Variants in AGTRAP observed in about 807,000 individuals in gnomAD.
AGTRAP encodes type-1 angiotensin II receptor-associated protein.
AGTRAP carries 7 observed loss-of-function variants against 15.2 expected under a neutral mutation model. The ratio of observed to expected loss-of-function variants is 0.46; its 90% CI spans 0.26 to 0.87. The LOEUF is 0.87. Among genes scored for constraint, AGTRAP ranks in the 40% least tolerant of loss-of-function variants. The pLI, the probability that AGTRAP is intolerant of heterozygous loss-of-function variation, is 0.15. For synonymous variants in AGTRAP, 74 were observed against 89.6 expected (o/e 0.83, Z 0.98); for missense variants, 187 against 213.4 (o/e 0.88, Z 0.77).
chr1:11,740,333 GTCC>G (rs775943081), intron 1 of AGTRAP, among the ~76,000 whole-genome samples: 33 of 152,292 alleles, frequency 2.2e-4, no homozygotes, highest in Admixed American at 3.9e-4. Flanking sequence ...CTCTCTGGGT[GTCC>G]TCCTGTTACA....
Position 11,750,273 on chromosome 1 carries a change from T to G in AGTRAP, c.*81T>G. On this transcript the variant is annotated 3_prime_UTR_variant, in exon 5 of 5. Transcript: ENST00000314340. ...GTTCTAGGGATGCTCCTGACCTCCGTCTCTTGGACCTAAGATGGAATGTGT... is the reference window on the plus strand; with the variant it reads ...GTTCTAGGGATGCTCCTGACCTCCGGCTCTTGGACCTAAGATGGAATGTGT... 1 of 1,180,530 alleles carries G rather than the reference T, an allele frequency of 8.5e-7. No homozygotes were observed. Among genetic ancestry groups the G allele is most frequent in the Non-Finnish European group, 1.2e-6 (1 of 814,886 alleles). The allele number at this position is 1,180,530 out of a possible 1,614,324, so 73.1% of individuals were successfully genotyped here. A position where few individuals can be genotyped will look rare whatever the true frequency, so the allele number is the denominator to read the frequency against.
At chr1:11,741,070 C>T (rs1642020021) in intron 1 of AGTRAP, among the ~76,000 whole-genome samples, 1 of 151,814 alleles carries the variant, frequency 6.6e-6, no homozygotes. Context: ...CTTCCTGTCC[C>T]TCCCTCCTCC....
Position 11,747,497 on chromosome 1 carries a change from G to A in AGTRAP, c.120G>A (p.Leu40=), listed in dbSNP as rs758738252. Residue 40 remains leucine (L), a synonymous_variant, in exon 3 of 5, where the codon TTG becomes TTA. Transcript: ENST00000314340. ...GGGCCAACTTCACCATCCTGGCCTT[G>A]GGCGTGTGGGCTGTGGCTCAGCGGG... is the stretch of plus-strand genomic sequence containing the variant. ...YAWANFTILA[L]GVWAVAQRDS... is the part of the protein sequence containing the mutation. The A allele has an allele frequency of 6.2e-7, 1 of 1,614,168 alleles. No individual in the cohort carries two copies. The highest frequency in any genetic ancestry group is 8.5e-7 in the Non-Finnish European group (1 of 1,180,006).
intron 1 of AGTRAP, among the ~76,000 whole-genome samples, chr1:11,742,138 G>T (rs896850861): frequency 6.6e-6 from 1 of 152,218 alleles, no homozygotes; most frequent in Admixed American, 6.5e-5. Context: ...GGGGAGGTTG[G>T]GTGCACTGGT....
In AGTRAP at chr1:11,750,376, G is replaced by A. The variant is rs1001573008; in HGVS notation, c.*184G>A. 6.6e-5 allele frequency: 43 copies of A among 654,698 alleles called. No individual in the cohort carries two copies. The highest frequency in any genetic ancestry group is 1.0e-4 in the Non-Finnish European group (37 of 362,728). 40.6% of individuals were successfully genotyped at this position (654,698 alleles called of 1,614,324 possible). A position where few individuals can be genotyped will look rare whatever the true frequency, so the allele number is the denominator to read the frequency against. ...CCAGTACCATGCACACTCCTGTCCC[G>A]AACTCCCTGAGGCCTCCCCTCCCTT... On this transcript the variant is annotated 3_prime_UTR_variant, in exon 5 of 5. Coordinates refer to ENST00000314340, the MANE Select transcript of AGTRAP (RefSeq NM_020350.5).
At chr1:11,744,135 C>T (rs1388122258) in intron 1 of AGTRAP, among the ~76,000 whole-genome samples, 1 of 151,968 alleles carries the variant, frequency 6.6e-6, no homozygotes, top group South Asian at 2.1e-4. Context: ...ATTAGCTGGG[C>T]GTGGTGGTAC....
At chr1:11,740,950 A>G (rs1304914269) in intron 1 of AGTRAP, among the ~76,000 whole-genome samples, 4 of 152,062 alleles carry the variant, frequency 2.6e-5, no homozygotes, top group Non-Finnish European at 5.9e-5. Context: ...GCCCTGAGCA[A>G]GTTCCTTCCT....
chr1:11,748,262 T>A (rs1642219963), intron 3 of AGTRAP, among the ~76,000 whole-genome samples, 153 bp from the exon 4 acceptor site: 1 of 152,052 alleles, frequency 6.6e-6, no homozygotes. Flanking sequence ...AGCCAGCGGC[T>A]CCCCAGCGGG....
At chr1:11,742,769 A>T (rs1642063518) in intron 1 of AGTRAP, among the ~76,000 whole-genome samples, 1 of 152,128 alleles carries the variant, frequency 6.6e-6, no homozygotes, top group Non-Finnish European at 1.5e-5. Context: ...GGGCTCAAGC[A>T]GTCTTCTCCC....
intron 3 of AGTRAP, 35 bp downstream of exon 3, chr1:11,747,580 G>A (rs1642195942): frequency 2.5e-6 from 4 of 1,601,700 alleles, no homozygotes; most frequent in African/African-American, 1.3e-5. Context: ...GCAAGGCGGG[G>A]AGCCGCAGCA....
intron 1 of AGTRAP, among the ~76,000 whole-genome samples, chr1:11,739,096 G>C (rs1420163798): frequency 1.3e-5 from 2 of 152,146 alleles, no homozygotes; most frequent in African/African-American, 4.8e-5. Context: ...GGGGCAGGCA[G>C]GTCTGCATTC....
chr1:11,745,119 T>A lies in AGTRAP; in HGVS notation c.28-684T>A, dbSNP rs1642127828. On this transcript the variant is annotated intron_variant, in intron 1 of 4. Transcript: ENST00000314340. The surrounding 1 kb of genome is among the most constrained non-coding windows in gnomAD (Gnocchi z 4.2). Reference sequence around the variant, plus strand: ...ATCCACCCACCTCGGCCTCCCAAAATGCTGGGATTACAGGTGTGATCCACC... The same window carrying A: ...ATCCACCCACCTCGGCCTCCCAAAAAGCTGGGATTACAGGTGTGATCCACC... Among the ~76,000 whole-genome samples, 1 of 152,176 alleles carries A rather than the reference T, an allele frequency of 6.6e-6. No homozygotes were observed. The highest frequency in any genetic ancestry group is 2.1e-4 in the South Asian group (1 of 4,830).
chr1:11,743,162 C>G (rs1642073290), intron 1 of AGTRAP, among the ~76,000 whole-genome samples: 1 of 152,218 alleles, frequency 6.6e-6, no homozygotes. Context: ...CCGAGCCCCG[C>G]TCATACATTG....
chr1:11,743,758 G>A (rs1371482007), intron 1 of AGTRAP, among the ~76,000 whole-genome samples: 3 of 151,740 alleles, frequency 2.0e-5, no homozygotes, highest in African/African-American at 7.3e-5. Context: ...TAGAAACGGG[G>A]TTTCTCCATG....
chr1:11,742,296 C>T (rs1289752569), intron 1 of AGTRAP, among the ~76,000 whole-genome samples: 3 of 152,170 alleles, frequency 2.0e-5, no homozygotes, highest in Non-Finnish European at 2.9e-5. Flanking sequence ...CAGATAAGGT[C>T]ATGTGAGACG....
intron 1 of AGTRAP, among the ~76,000 whole-genome samples, chr1:11,744,093 T>C (rs571514887): frequency 4.0e-4 from 61 of 152,148 alleles, no homozygotes; most frequent in African/African-American, 1.1e-3. Flanking sequence ...CTGGTTAACA[T>C]AGGGAGACCT....
At chr1:11,737,188 G>C (rs1157189687) in intron 1 of AGTRAP, among the ~76,000 whole-genome samples, 1 of 152,188 alleles carries the variant, frequency 6.6e-6, no homozygotes, top group African/African-American at 2.4e-5. Flanking sequence ...GCTATGACTT[G>C]CTATAGGCAT....
chr1:11,743,319 C>T (rs1468517033), intron 1 of AGTRAP, among the ~76,000 whole-genome samples: 2 of 151,892 alleles, frequency 1.3e-5, no homozygotes, highest in East Asian at 1.9e-4. Context: ...ATTTTGGGCT[C>T]ACTGCAACCT....
chr1:11,739,539 A>AAG (rs779755040), intron 1 of AGTRAP, among the ~76,000 whole-genome samples: 3 of 152,208 alleles, frequency 2.0e-5, no homozygotes, highest in Non-Finnish European at 4.4e-5. Context: ...GCGACAGAGC[A>AAG]AGACTCTGTC....
Sources: allele counts gnomAD v4.1 joint callset (sites outside exome capture counted in the v4.1 genomes callset), GRCh38; gene constraint gnomAD v4.1.1; non-coding constraint Gnocchi (gnomAD v3.1); transcripts MANE v1.5; gene names NCBI Gene and HGNC (gene_info 2026-07-23, HGNC 2026-07-21).